The following CCPG1 variants were observed in gnomAD, a reference collection of about 807,000 sequenced individuals.
CCPG1 encodes the protein cell cycle progression 1.
A neutral mutation model predicts 81.3 loss-of-function variants in CCPG1; 46 were observed. The observed-to-expected ratio is 0.57, with a 90% CI of 0.45 to 0.72. CCPG1 has a LOEUF of 0.72. Among genes scored for constraint, CCPG1 ranks in the 30% least tolerant of loss-of-function variants. CCPG1 has a pLI of 0.00. For missense variants in CCPG1, 902 were observed against 937.6 expected (o/e 0.96, Z 0.50); for synonymous variants, 330 against 305.2 (o/e 1.08, Z -0.85).
chr15:55,383,173 A>G lies in CCPG1; in HGVS notation c.175+2427T>C, dbSNP rs963968200. On this transcript the variant is annotated intron_variant, in intron 3 of 8. Transcript: ENST00000442196. The stretch of plus-strand genomic sequence containing the variant: ...TGTTGTGTTAGCAGGAAACAAAGTA[A>G]CATGAATCTCCTTGTACATCTCCAT... Among the ~76,000 whole-genome samples the G allele has an allele frequency of 3.3e-5, 5 of 152,232 alleles. No homozygotes were observed. The South Asian group carries it at 1.0e-3, about 31-fold the overall frequency.
chr15:55,390,170 C>A (rs1465208691), intron 1 of CCPG1, among the ~76,000 whole-genome samples: 1 of 152,168 alleles, frequency 6.6e-6, no homozygotes, highest in Non-Finnish European at 1.5e-5. Context: ...GATCCGCCTG[C>A]CTCAGCCTCC....
intron 1 of CCPG1, among the ~76,000 whole-genome samples, chr15:55,394,015 G>A (rs1056047534): frequency 2.6e-5 from 4 of 151,948 alleles, no homozygotes; most frequent in African/African-American, 9.7e-5. Flanking sequence ...TGTGTGTTTT[G>A]TCCAGTTCTT....
At chr15:55,406,450 G>GTTTTTTTTTTT (rs751788415) in intron 1 of CCPG1, among the ~76,000 whole-genome samples, 135 of 89,066 alleles carry the variant, frequency 1.5e-3, no homozygotes, top group Non-Finnish European at 2.1e-3. Flanking sequence ...TTTTTTTTTT[G>GTTTTTTTTTTT]TTTTTTTTTT....
intron 1 of CCPG1, among the ~76,000 whole-genome samples, chr15:55,390,613 T>C (rs755355791): frequency 5.9e-5 from 9 of 152,042 alleles, no homozygotes; most frequent in Non-Finnish European, 1.3e-4. Flanking sequence ...TTGGGGGTTT[T>C]GTTTTGTTTT....
chr15:55,378,196 A>T (rs1442277820), intron 4 of CCPG1, 104 bp downstream of exon 4: 2 of 644,728 alleles, frequency 3.1e-6, no homozygotes, highest in African/African-American at 3.8e-5. Flanking sequence ...AAAATTGCTT[A>T]TAATTCAAAA....
intron 8 of CCPG1, chr15:55,357,049 C>G: frequency 1.0e-6 from 1 of 985,512 alleles, no homozygotes; most frequent in Non-Finnish European, 1.2e-6. Context: ...TCCCTACAAC[C>G]CCATGGATGT....
chr15:55,380,100 T>TAA (rs374941554), intron 3 of CCPG1, among the ~76,000 whole-genome samples: 5,002 of 130,752 alleles, frequency 0.038, 100 homozygotes, highest in Non-Finnish European at 0.053. Flanking sequence ...AACTCTGTCT[T>TAA]AAAAAAAAAA....
intron 2 of CCPG1, among the ~76,000 whole-genome samples, chr15:55,388,978 G>C (rs1291452271): frequency 2.2e-5 from 3 of 139,310 alleles, no homozygotes; most frequent in Non-Finnish European, 4.5e-5. Context: ...TGAGGCAGGA[G>C]AATCATTTCA....
chr15:55,393,454 T>A (rs2141326629), intron 1 of CCPG1, among the ~76,000 whole-genome samples: 1 of 152,262 alleles, frequency 6.6e-6, no homozygotes, highest in Admixed American at 6.5e-5. Context: ...AAATGTTTTT[T>A]TTCAAGATAG....
chr15:55,374,125 A>G, intron 5 of CCPG1: 1 of 1,204,960 alleles, frequency 8.3e-7, no homozygotes, highest in Non-Finnish European at 1.1e-6. Flanking sequence ...ACTCAGCTCT[A>G]GAGAAGCTGG....
intron 1 of CCPG1, among the ~76,000 whole-genome samples, chr15:55,395,372 C>A (rs1007894605): frequency 6.6e-6 from 1 of 152,060 alleles, no homozygotes; most frequent in African/African-American, 2.4e-5. Context: ...TTGAACCTCC[C>A]CATTATAGCT....
At chr15:55,363,778 GCTTA>G (rs1384657740) in intron 7 of CCPG1, among the ~76,000 whole-genome samples, 1 of 140,936 alleles carries the variant, frequency 7.1e-6, no homozygotes, top group South Asian at 2.4e-4. Context: ...AAAAACAATA[GCTTA>G]CTTTTCTTTC....
intron 3 of CCPG1, among the ~76,000 whole-genome samples, chr15:55,382,511 CTTTTT>C: frequency 7.1e-6 from 1 of 139,914 alleles, no homozygotes; most frequent in South Asian, 2.3e-4. Context: ...GGATCCACTT[CTTTTT>C]TTTTTTTTTT....
In CCPG1 at chr15:55,355,460, G is replaced by C; in HGVS notation, c.*760C>G. ...TTTCCTAGATAAATTAACATTGCTG[G>C]GTGGAAATATTCAGATGCTGCTTAA... On this transcript the variant is annotated 3_prime_UTR_variant, in exon 9 of 9. Coordinates refer to ENST00000442196, the MANE Select transcript of CCPG1 (RefSeq NM_001204450.2). The C allele has an allele frequency of 5.1e-6, 8 of 1,576,986 alleles. No individual in the cohort carries two copies. The highest frequency in any genetic ancestry group is 6.9e-6 in the Non-Finnish European group (8 of 1,155,722).
At chr15:55,381,740 A>G (rs567526988) in intron 3 of CCPG1, among the ~76,000 whole-genome samples, 1 of 152,352 alleles carries the variant, frequency 6.6e-6, no homozygotes, top group East Asian at 1.9e-4. Context: ...ACATAAGTGT[A>G]TGCAGTAATT....
chr15:55,406,939 G>A (rs1177783194), intron 1 of CCPG1, among the ~76,000 whole-genome samples: 2 of 151,798 alleles, frequency 1.3e-5, no homozygotes, highest in Non-Finnish European at 1.5e-5. Flanking sequence ...ATTAACGCCC[G>A]CGCGGTGGGT....
Position 55,375,844 on chromosome 15 carries a change from G to A in CCPG1, c.454+1105C>T, listed in dbSNP as rs114834642. Among the ~76,000 whole-genome samples, 509 of 152,030 alleles carry A rather than the reference G, an allele frequency of 3.3e-3. 8 individuals are homozygous for A. Among genetic ancestry groups the A allele is most frequent in the African/African-American group, 0.012 (489 of 41,484 alleles). On this transcript the variant is annotated intron_variant, in intron 5 of 8. Transcript: ENST00000442196. Reference sequence around the variant, plus strand: ...CAAGTGGCTGGGACCACATGCGCACGCCATCATGCCTGGCTTTTTATTATT... The same window carrying A: ...CAAGTGGCTGGGACCACATGCGCACACCATCATGCCTGGCTTTTTATTATT...
chr15:55,373,027 A>G (rs1473905485), intron 5 of CCPG1: 2 of 534,670 alleles, frequency 3.7e-6, no homozygotes, highest in Non-Finnish European at 7.7e-6. Flanking sequence ...AAGTGACACA[A>G]CAGCTATCTC....
chr15:55,375,747 T>G (rs1406417767), intron 5 of CCPG1, among the ~76,000 whole-genome samples: 1 of 151,032 alleles, frequency 6.6e-6, no homozygotes, highest in Non-Finnish European at 1.5e-5. Flanking sequence ...GCAATCTGGG[T>G]GCAGTGGCGC....
Sources: allele counts gnomAD v4.1 joint callset (sites outside exome capture counted in the v4.1 genomes callset), GRCh38; gene constraint gnomAD v4.1.1; transcripts MANE v1.5; gene names NCBI Gene and HGNC (gene_info 2026-07-23, HGNC 2026-07-21).